TIPIN: variants seen among roughly 807,000 people sequenced by gnomAD.
The protein encoded by TIPIN is TIMELESS-interacting protein.
Under a neutral mutation model 35.6 loss-of-function variants are expected in TIPIN, and 29 were observed. That is an observed-to-expected ratio of 0.82 (90% CI 0.61 to 1.11). The LOEUF is 1.11. Ranked by LOEUF, TIPIN falls within the 50% of genes most tolerant of loss-of-function variation. The pLI, the probability that TIPIN is intolerant of heterozygous loss-of-function variation, is 0.00. For missense variants in TIPIN, 296 were observed against 345.4 expected (o/e 0.86, Z 1.13); for synonymous variants, 102 against 121.5 (o/e 0.84, Z 1.06).
At chr15:66,339,874 A>ATT (rs199989826) in intron 7 of TIPIN, among the ~76,000 whole-genome samples, 3 of 146,710 alleles carry the variant, frequency 2.0e-5, no homozygotes, top group Non-Finnish European at 3.0e-5. Context: ...AAGAAAAAGC[A>ATT]TTTTTTTTTT....
chr15:66,367,226 C>CTATATCTATATA (rs746375567), intron 1 of TIPIN, among the ~76,000 whole-genome samples: 1 of 111,904 alleles, frequency 8.9e-6, no homozygotes, highest in Admixed American at 8.8e-5. Context: ...ATATCTATAT[C>CTATATCTATATA]TGTATCTATA....
chr15:66,386,518 G>A (rs2093339462), intron 1 of TIPIN: 1 of 153,348 alleles, frequency 6.5e-6, no homozygotes, highest in South Asian at 2.1e-4. Context: ...CTGGACACAG[G>A]AAGGGGTCCT....
intron 1 of TIPIN, chr15:66,383,593 T>C (rs547482713): frequency 1.0e-6 from 1 of 984,888 alleles, no homozygotes; most frequent in Admixed American, 6.2e-5. Context: ...ATGTTTATTA[T>C]TTTACTCTGA....
intron 1 of TIPIN, among the ~76,000 whole-genome samples, chr15:66,362,511 T>C (rs930283140): frequency 1.3e-5 from 2 of 150,458 alleles, no homozygotes; most frequent in Admixed American, 6.6e-5. Flanking sequence ...ACTTGAGGTC[T>C]GGAGTTCGAG....
At chr15:66,380,744 G>A (rs2093315901) in intron 1 of TIPIN, among the ~76,000 whole-genome samples, 1 of 152,054 alleles carries the variant, frequency 6.6e-6, no homozygotes, top group African/African-American at 2.4e-5. Flanking sequence ...GAACCTGGGA[G>A]GCGTAGGTTG....
intron 6 of TIPIN, among the ~76,000 whole-genome samples, chr15:66,347,998 T>C (rs1203751366): frequency 5.2e-5 from 3 of 57,532 alleles, no homozygotes; most frequent in Non-Finnish European, 1.1e-4. Flanking sequence ...ACTACTTCTA[T>C]TCTTTCTTTC....
intron 6 of TIPIN, 146 bp from the exon 7 acceptor site, chr15:66,341,502 C>T (rs1436387480): frequency 0.018 from 117 of 6,414 alleles, 1 homozygote; most frequent in South Asian, 0.062. Flanking sequence ...GGCGCGGTGG[C>T]TCACGCCTGT....
At chr15:66,382,298 C>A (rs2140503939) in intron 1 of TIPIN, 1 of 972,032 alleles carries the variant, frequency 1.0e-6, no homozygotes, top group Admixed American at 6.2e-5. Context: ...TCAGGTCTTT[C>A]TCTCTCAAGT....
At chr15:66,347,256 C>T (rs749827650) in intron 6 of TIPIN, 11 of 518,578 alleles carry the variant, frequency 2.1e-5, no homozygotes, top group African/African-American at 3.9e-5. Flanking sequence ...CAGACCCTGT[C>T]GGCAGGAACC....
intron 6 of TIPIN, 95 bp from the exon 7 acceptor site, chr15:66,341,451 C>T: frequency 9.5e-7 from 1 of 1,055,538 alleles, no homozygotes; most frequent in Non-Finnish European, 1.3e-6. Flanking sequence ...GGTGACAGAC[C>T]TGAAAAAACA....
At position 66,352,136 on chromosome 15, in the gene TIPIN, C is replaced by T; in HGVS notation, c.205G>A (p.Ala69Thr). The T allele has an allele frequency of 1.2e-6, 2 of 1,602,202 alleles. No homozygotes were observed. Among genetic ancestry groups the T allele is most frequent in the Non-Finnish European group, 1.7e-6 (2 of 1,173,676 alleles). ...AGAATATAGTAAATGTACCTCTGAGCATCCAGCTTGGGTATATTTCTTTTA... is the reference window on the plus strand; with the variant it reads ...AGAATATAGTAAATGTACCTCTGAGTATCCAGCTTGGGTATATTTCTTTTA... ...TVKRNIPKLDAQRLISERGLP... is the reference protein window; with the variant it reads ...TVKRNIPKLDTQRLISERGLP... Residue 69 changes from alanine (A) to threonine (T), a missense_variant, in exon 3 of 8, where the codon GCT becomes ACT. Transcript: ENST00000261881.
rs1273653698 is a variant in TIPIN at position 66,376,807 on chromosome 15, C to T, written c.-9+9800G>A. On this transcript the variant is annotated intron_variant, in intron 1 of 7. Transcript: ENST00000562124. ...ACTTTAAACAGTTATTGCCAAAATG[C>T]CCTTTAAAGAGATTGCAGCAGCTGG... Among the ~76,000 whole-genome samples the T allele has an allele frequency of 2.0e-5, 3 of 151,666 alleles. No homozygotes were observed. The East Asian group carries it at 5.9e-4, about 30-fold the overall frequency.
Position 66,370,589 on chromosome 15 carries a change from C to T in TIPIN, c.-9+16018G>A, listed in dbSNP as rs554764083. Among the ~76,000 whole-genome samples, 24 of 152,142 alleles carry T rather than the reference C, an allele frequency of 1.6e-4. No homozygotes were observed. The East Asian group carries it at 4.4e-3, about 28-fold the overall frequency. ...ACTCAATAGGAACAGCTGCCAAACT[C>T]ACAGGAGCTTAAAAATCCAGACAAT... On this transcript the variant is annotated intron_variant, in intron 1 of 7. Transcript: ENST00000562124.
chr15:66,358,505 C>G (rs2093217119), upstream of TIPIN, among the ~76,000 whole-genome samples: 1 of 151,566 alleles, frequency 6.6e-6, no homozygotes, highest in South Asian at 2.1e-4. Flanking sequence ...GCGATCACAG[C>G]TAGAATCAGG....
Position 66,373,684 on chromosome 15 carries a change from CTTTT to C in TIPIN, c.-9+12919_-9+12922del, listed in dbSNP as rs1015097588. On this transcript the variant is annotated intron_variant, in intron 1 of 7. Coordinates refer to the TIPIN transcript ENST00000562124. ...TATCAACATTTGATATTGTCTTTTT[CTTTT>C]TTTATTAATTAATTAATTTGGTTTT... Among the ~76,000 whole-genome samples the C allele has an allele frequency of 5.9e-5, 9 of 151,804 alleles. No individual in the cohort carries two copies. The South Asian group carries it at 1.7e-3, about 28-fold the overall frequency.
At chr15:66,365,267 T>A (rs376176398) in intron 1 of TIPIN, among the ~76,000 whole-genome samples, 1 of 151,678 alleles carries the variant, frequency 6.6e-6, no homozygotes, top group East Asian at 1.9e-4. Context: ...TTGTCCTCAC[T>A]GCTCATAATA....
At chr15:66,384,911 C>G (rs1435831918) in intron 1 of TIPIN, among the ~76,000 whole-genome samples, 1 of 151,850 alleles carries the variant, frequency 6.6e-6, no homozygotes, top group Non-Finnish European at 1.5e-5. Flanking sequence ...AAACGCCACT[C>G]AAAAACAAAA....
At chr15:66,375,119 T>C (rs1301313190) in intron 1 of TIPIN, among the ~76,000 whole-genome samples, 5 of 152,040 alleles carry the variant, frequency 3.3e-5, no homozygotes, top group Non-Finnish European at 7.3e-5. Context: ...TTTTTGGATA[T>C]ATGCATTATA....
In TIPIN at chr15:66,384,293, G is replaced by A. The variant is rs186124482; in HGVS notation, c.-9+2314C>T. Among the ~76,000 whole-genome samples the A allele has an allele frequency of 8.0e-5, 11 of 137,666 alleles. No homozygotes were observed. In the East Asian group the frequency reaches 1.6e-3, roughly 20 times the overall value. The allele number at this position is 137,666 out of a possible 152,430, so 90.3% of individuals were successfully genotyped here. A position where few individuals can be genotyped will look rare whatever the true frequency, so the allele number is the denominator to read the frequency against. On this transcript the variant is annotated intron_variant, in intron 1 of 7. Transcript: ENST00000562124. ...ATTACAGGCATGAGCCACCGCGCCC[G>A]GCCTATTTTATTTATTTTTGAGACA...
Sources: allele counts gnomAD v4.1 joint callset (sites outside exome capture counted in the v4.1 genomes callset), GRCh38; gene constraint gnomAD v4.1.1; transcripts MANE v1.5; gene names NCBI Gene and HGNC (gene_info 2026-07-23, HGNC 2026-07-21).